Variants in IQCM observed in about 807,000 individuals in gnomAD.
IQCM encodes the protein IQ motif containing M.
Under a neutral mutation model 57.6 loss-of-function variants are expected in IQCM, and 45 were observed. The ratio of observed to expected loss-of-function variants is 0.78; its 90% confidence interval spans 0.62 to 1.00. The LOEUF is 1.00. Ranked by LOEUF, IQCM falls within the 50% of genes least tolerant of loss-of-function variation. The pLI is 0.00. For synonymous variants in IQCM, 148 were observed against 158.9 expected (o/e 0.93, Z 0.51); for missense variants, 468 against 511.6 (o/e 0.91, Z 0.82).
At chr4:149,478,537 A>G (rs1209944140) in intron 12 of IQCM, among the ~76,000 whole-genome samples, 1 of 152,174 alleles carries the variant, frequency 6.6e-6, no homozygotes, top group Non-Finnish European at 1.5e-5. Flanking sequence ...GGTATGAAAA[A>G]CAATAACATT....
chr4:149,391,185 G>A (rs1398431962), intron 13 of IQCM, among the ~76,000 whole-genome samples: 1 of 151,806 alleles, frequency 6.6e-6, no homozygotes, highest in Non-Finnish European at 1.5e-5. Flanking sequence ...CTTGTTTAGG[G>A]CTATTCAGAT....
chr4:149,511,554 A>C (rs1417520055), intron 12 of IQCM, among the ~76,000 whole-genome samples: 1 of 151,332 alleles, frequency 6.6e-6, no homozygotes, highest in Non-Finnish European at 1.5e-5. Flanking sequence ...TAAATAAATA[A>C]ATAAATAAAT....
intron 9 of IQCM, among the ~76,000 whole-genome samples, chr4:149,564,813 C>CTA (rs34318269): frequency 9.9e-5 from 15 of 150,790 alleles, no homozygotes; most frequent in African/African-American, 1.5e-4. Context: ...TAATAAATTC[C>CTA]TATATATATA....
chr4:149,752,550 TA>T (rs35458090), intron 2 of IQCM, among the ~76,000 whole-genome samples: 29,506 of 141,118 alleles, frequency 0.21, 4,381 homozygotes, highest in African/African-American at 0.43. Context: ...GACTCTGTCT[TA>T]AAAAAAAAAA....
intron 11 of IQCM, among the ~76,000 whole-genome samples, chr4:149,549,661 T>C (rs1748836200): frequency 6.6e-6 from 1 of 152,280 alleles, no homozygotes; most frequent in Admixed American, 6.5e-5. Flanking sequence ...AATTGTATCC[T>C]GTAAATGTTG....
At chr4:149,668,034 C>A (rs748065257) in intron 7 of IQCM, among the ~76,000 whole-genome samples, 1 of 152,100 alleles carries the variant, frequency 6.6e-6, no homozygotes, top group Non-Finnish European at 1.5e-5. Flanking sequence ...CTTCCCCAAC[C>A]TAGCAAGACA....
At chr4:149,736,057 C>G (rs994209837) in intron 3 of IQCM, among the ~76,000 whole-genome samples, 5 of 151,672 alleles carry the variant, frequency 3.3e-5, no homozygotes, top group African/African-American at 1.2e-4. Flanking sequence ...AAGCAATCCT[C>G]CCACCTCAGC....
intron 12 of IQCM, among the ~76,000 whole-genome samples, chr4:149,488,836 A>G (rs1741796147): frequency 6.6e-6 from 1 of 152,182 alleles, no homozygotes; most frequent in Non-Finnish European, 1.5e-5. Context: ...CTTCATCTCA[A>G]AAGGTAACAT....
chr4:149,738,549 C>T lies in IQCM; in HGVS notation c.38-3091G>A, dbSNP rs73857729. Among the ~76,000 whole-genome samples, 1,365 of 152,250 alleles carry T rather than the reference C, an allele frequency of 9.0e-3. 10 individuals carry two copies. Among genetic ancestry groups the T allele is most frequent in the African/African-American group, 0.03 (1,264 of 41,558 alleles). On this transcript the variant is annotated intron_variant, in intron 3 of 13. Transcript: ENST00000636793. ...CGCTCTAGTAGCGCTAATGGCCTTG[C>T]TGGGGCCAGAAAGCAGATCTTGACA...
chr4:149,497,697 C>G (rs970104674), intron 12 of IQCM, among the ~76,000 whole-genome samples: 8 of 149,408 alleles, frequency 5.4e-5, no homozygotes, highest in Non-Finnish European at 7.4e-5. Flanking sequence ...GGTCACTTTT[C>G]CTGAAAGTCT....
At chr4:149,501,823 A>G (rs186295189) in intron 12 of IQCM, among the ~76,000 whole-genome samples, 1 of 152,312 alleles carries the variant, frequency 6.6e-6, no homozygotes, top group Admixed American at 6.5e-5. Context: ...CCAGGGCTAC[A>G]GTTATGTGCA....
chr4:149,812,509 C>CACACACACAG (rs1774672601), intron 2 of IQCM, among the ~76,000 whole-genome samples: 1 of 146,122 alleles, frequency 6.8e-6, no homozygotes, highest in Non-Finnish European at 1.5e-5. Context: ...CACAGACACA[C>CACACACACAG]ACACACACAC....
chr4:149,691,931 A>G (rs1461993685), intron 5 of IQCM: 3 of 152,226 alleles, frequency 2.0e-5, no homozygotes, highest in African/African-American at 7.2e-5. Flanking sequence ...TAAAACATAC[A>G]ACATATATGT....
chr4:149,807,062 T>C (rs912330640), intron 2 of IQCM, among the ~76,000 whole-genome samples: 3 of 151,986 alleles, frequency 2.0e-5, no homozygotes, highest in Non-Finnish European at 4.4e-5. Flanking sequence ...GAAGAATGAA[T>C]ATTATTAAAA....
chr4:149,374,312 T>G (rs950318266), intron 13 of IQCM, among the ~76,000 whole-genome samples: 1 of 152,202 alleles, frequency 6.6e-6, no homozygotes, highest in African/African-American at 2.4e-5. Flanking sequence ...GTCTATTTCC[T>G]GCCCTGGGTT....
At chr4:149,565,838 A>G (rs554404111) in intron 9 of IQCM, among the ~76,000 whole-genome samples, 3 of 152,318 alleles carry the variant, frequency 2.0e-5, no homozygotes, top group African/African-American at 7.2e-5. Flanking sequence ...GAAATAAATT[A>G]GCCTTGTACA....
chr4:149,750,559 C>T (rs2149932872), intron 2 of IQCM, among the ~76,000 whole-genome samples: 1 of 152,206 alleles, frequency 6.6e-6, no homozygotes, highest in South Asian at 2.1e-4. Flanking sequence ...TATGAAGAGT[C>T]CCGTATCAAT....
chr4:149,500,902 C>A (rs568553207), intron 12 of IQCM, among the ~76,000 whole-genome samples: 1 of 152,122 alleles, frequency 6.6e-6, no homozygotes, highest in Non-Finnish European at 1.5e-5. Flanking sequence ...AGAGATAGAA[C>A]AATGACATAA....
chr4:149,358,359 T>C (rs1729165891), intron 13 of IQCM, among the ~76,000 whole-genome samples: 1 of 152,222 alleles, frequency 6.6e-6, no homozygotes, highest in Non-Finnish European at 1.5e-5. Context: ...TTTAGATCTT[T>C]CCTGCTTTCT....
Sources: allele counts gnomAD v4.1 joint callset (sites outside exome capture counted in the v4.1 genomes callset), GRCh38; gene constraint gnomAD v4.1.1; transcripts MANE v1.5; gene names NCBI Gene and HGNC (gene_info 2026-07-23, HGNC 2026-07-21).